Variants in FRMD4A observed in about 807,000 individuals in gnomAD.
FRMD4A encodes FERM domain containing 4A, also known as FERM domain-containing protein 4A.
Under a neutral mutation model 129.1 loss-of-function variants are expected in FRMD4A, and 29 were observed. That is an observed-to-expected ratio of 0.22 (90% CI 0.17 to 0.31). FRMD4A has a LOEUF of 0.31. Among genes scored for constraint, FRMD4A ranks in the 10% least tolerant of loss-of-function variants. FRMD4A has a pLI of 1.00. For missense variants in FRMD4A, 1,272 were observed against 1,375.8 expected (o/e 0.92, Z 1.19); for synonymous variants, 634 against 571.6 (o/e 1.11, Z -1.56).
At chr10:14,178,446 G>A (rs1359231359) in intron 2 of FRMD4A, among the ~76,000 whole-genome samples, 1 of 152,120 alleles carries the variant, frequency 6.6e-6, no homozygotes, top group Non-Finnish European at 1.5e-5. Context: ...TTTACAAAAT[G>A]GAGCACATTA....
At chr10:13,908,516 T>C (rs1029516333) in intron 2 of FRMD4A, among the ~76,000 whole-genome samples, 1 of 152,258 alleles carries the variant, frequency 6.6e-6, no homozygotes, top group Non-Finnish European at 1.5e-5. Context: ...TTGAGATTTA[T>C]CAATATGAGT....
intron 2 of FRMD4A, among the ~76,000 whole-genome samples, chr10:14,232,211 G>A (rs1023740725): frequency 5.3e-5 from 8 of 152,136 alleles, no homozygotes; most frequent in South Asian, 2.1e-4. Flanking sequence ...TTTTGTTATC[G>A]TTGGCTTTGT....
chr10:13,665,527 C>A (rs2082957175), intron 18 of FRMD4A, among the ~76,000 whole-genome samples: 1 of 152,086 alleles, frequency 6.6e-6, no homozygotes, highest in African/African-American at 2.4e-5. Flanking sequence ...GGGGGATTTC[C>A]TTCTAGAATT....
At chr10:13,927,182 G>A (rs916875540) in intron 2 of FRMD4A, among the ~76,000 whole-genome samples, 1 of 152,018 alleles carries the variant, frequency 6.6e-6, no homozygotes, top group Non-Finnish European at 1.5e-5. Context: ...GCTTGAACCC[G>A]GGAGGCAGAG....
At chr10:13,844,501 G>A (rs1013791517) in intron 3 of FRMD4A, among the ~76,000 whole-genome samples, 5 of 152,062 alleles carry the variant, frequency 3.3e-5, no homozygotes, top group South Asian at 2.1e-4. Flanking sequence ...AAGGAATGCC[G>A]ATAAAGAATT....
intron 2 of FRMD4A, among the ~76,000 whole-genome samples, chr10:14,058,445 G>A (rs1477324732): frequency 3.9e-5 from 6 of 152,202 alleles, no homozygotes; most frequent in Admixed American, 1.3e-4. Context: ...GGCAATGGGA[G>A]AGTCTGGGAG....
At chr10:14,152,018 A>G (rs895288515) in intron 2 of FRMD4A, among the ~76,000 whole-genome samples, 2 of 150,638 alleles carry the variant, frequency 1.3e-5, no homozygotes, top group Non-Finnish European at 3.0e-5. Context: ...CACAGCATGA[A>G]GGGAGGGTGA....
At chr10:13,972,431 A>G in intron 2 of FRMD4A, 1 of 423,938 alleles carries the variant, frequency 2.4e-6, no homozygotes, top group Non-Finnish European at 3.2e-6. Context: ...TCCCAAGTTT[A>G]GGTTGGGATT....
intron 2 of FRMD4A, among the ~76,000 whole-genome samples, chr10:13,962,011 T>C (rs1348967501): frequency 6.7e-6 from 1 of 150,050 alleles, no homozygotes; most frequent in African/African-American, 2.5e-5. Flanking sequence ...TCATTAGTTA[T>C]TTGTTAGATA....
At chr10:14,116,755 C>T (rs1184741485) in intron 2 of FRMD4A, among the ~76,000 whole-genome samples, 1 of 152,190 alleles carries the variant, frequency 6.6e-6, no homozygotes, top group African/African-American at 2.4e-5. Flanking sequence ...CAAACCAGCA[C>T]CTGACATAAT....
chr10:13,815,217 T>C lies in FRMD4A; in HGVS notation c.112-4309A>G, dbSNP rs541053922. On this transcript the variant is annotated intron_variant, in intron 3 of 24. Coordinates refer to ENST00000357447, the MANE Select transcript of FRMD4A (RefSeq NM_018027.5). ...CAAAACAAGGTTGAGATACACAGCATGGAATATTATTTCGCCCTAAAAAGG... is the reference window on the plus strand; with the variant it reads ...CAAAACAAGGTTGAGATACACAGCACGGAATATTATTTCGCCCTAAAAAGG... Among the ~76,000 whole-genome samples the C allele has an allele frequency of 3.3e-5, 5 of 152,322 alleles. No individual in the cohort carries two copies. In the South Asian group the frequency reaches 8.3e-4, roughly 25 times the overall value.
intron 2 of FRMD4A, among the ~76,000 whole-genome samples, chr10:13,904,971 C>T (rs2698133): frequency 0.94 from 133,588 of 142,866 alleles, 62,869 homozygotes; most frequent in Non-Finnish European, 1. Flanking sequence ...CCAGCCTGGG[C>T]GACAGAGTGA....
intron 2 of FRMD4A, among the ~76,000 whole-genome samples, chr10:13,922,094 C>T (rs2095079685): frequency 1.3e-5 from 2 of 151,972 alleles, no homozygotes; most frequent in African/African-American, 4.8e-5. Flanking sequence ...AGAAGGTGGC[C>T]GTCTGCAAGC....
At chr10:13,843,917 T>TA (rs748036628) in intron 3 of FRMD4A, among the ~76,000 whole-genome samples, 60 of 152,354 alleles carry the variant, frequency 3.9e-4, no homozygotes, top group Admixed American at 8.5e-4. Context: ...CTCTAGAACT[T>TA]ACCTCGAATT....
chr10:13,657,400 A>C lies in FRMD4A; in HGVS notation c.2189T>G (p.Phe730Cys). Residue 730 changes from phenylalanine (F) to cysteine (C), a missense_variant, in exon 22 of 25, where the codon TTC (phenylalanine) becomes TGC (cysteine). Physicochemically the swap from Phe to Cys is radical, Grantham distance 205 (BLOSUM62 -2). This residue lies in a region of FRMD4A where 972 missense variants were observed against 892.3 expected (regional missense o/e 1.09). Transcript: ENST00000357447. ...GCTGCTACGAGTCCGCGGGGTGTAG[A>C]AGTCGGGGCTCCCGGTGTCGTTTTC... The part of the protein sequence containing the change: ...GSENDTGSPD[F>C]YTPRTRSSNG... The C allele has an allele frequency of 6.2e-7, 1 of 1,612,804 alleles. No homozygotes were observed. Among genetic ancestry groups the C allele is most frequent in the Non-Finnish European group, 8.5e-7 (1 of 1,179,854 alleles).
At chr10:14,021,393 A>T (rs959698857) in intron 2 of FRMD4A, among the ~76,000 whole-genome samples, 6 of 150,914 alleles carry the variant, frequency 4.0e-5, no homozygotes, top group African/African-American at 1.5e-4. Context: ...ATAAAAAAAA[A>T]AAATAATAAA....
chr10:13,947,687 G>A (rs2095342299), intron 2 of FRMD4A, among the ~76,000 whole-genome samples: 1 of 151,972 alleles, frequency 6.6e-6, no homozygotes, highest in African/African-American at 2.4e-5. Context: ...TACAGCAGAA[G>A]CCTCCAGTGT....
chr10:13,958,672 G>C (rs1389135332), intron 2 of FRMD4A, among the ~76,000 whole-genome samples: 1 of 149,896 alleles, frequency 6.7e-6, no homozygotes, highest in Non-Finnish European at 1.5e-5. Context: ...GGCAACCTCC[G>C]CCTCCCAGGT....
chr10:13,853,955 G>T (rs548843647), intron 3 of FRMD4A, among the ~76,000 whole-genome samples: 6 of 152,130 alleles, frequency 3.9e-5, no homozygotes, highest in African/African-American at 1.4e-4. Flanking sequence ...AGGTCAGGTC[G>T]GTTTTTCTGG....
Sources: allele counts gnomAD v4.1 joint callset (sites outside exome capture counted in the v4.1 genomes callset), GRCh38; gene constraint gnomAD v4.1.1; regional missense constraint gnomAD v4.1.1; transcripts MANE v1.5; gene names NCBI Gene and HGNC (gene_info 2026-07-23, HGNC 2026-07-21).